Variants in VTI1A observed in about 807,000 individuals in gnomAD.
VTI1A encodes vesicle transport through interaction with t-SNAREs 1A, also known as vesicle transport through interaction with t-SNAREs homolog 1A.
Under a neutral mutation model 34.9 loss-of-function variants are expected in VTI1A, and 22 were observed. The observed-to-expected ratio is 0.63, with a 90% CI of 0.45 to 0.90. The LOEUF is 0.90. VTI1A is among the 40% of genes least tolerant of loss of function. The pLI is 0.00. For synonymous variants in VTI1A, 87 were observed against 97.3 expected (o/e 0.89, Z 0.62); for missense variants, 268 against 275.6 (o/e 0.97, Z 0.20).
At chr10:112,632,244 TG>T in intron 5 of VTI1A, among the ~76,000 whole-genome samples, 2 of 152,360 alleles carry the variant, frequency 1.3e-5, no homozygotes, top group South Asian at 4.1e-4. Context: ...AATGTCCTGC[TG>T]GTCATTTGTG....
chr10:112,527,293 A>C (rs933001747), intron 4 of VTI1A, 129 bp downstream of exon 4: 2 of 657,718 alleles, frequency 3.0e-6, no homozygotes, highest in Non-Finnish European at 5.1e-6. Flanking sequence ...TGTTTAATGC[A>C]AAGCTGGAGT....
At chr10:112,629,978 G>A (rs1430167430) in intron 5 of VTI1A, among the ~76,000 whole-genome samples, 1 of 152,112 alleles carries the variant, frequency 6.6e-6, no homozygotes, top group African/African-American at 2.4e-5. Flanking sequence ...TGGTTTTATA[G>A]TATTAAAACT....
intron 1 of VTI1A, among the ~76,000 whole-genome samples, chr10:112,455,814 A>G (rs1316456416): frequency 6.6e-6 from 1 of 152,106 alleles, no homozygotes; most frequent in African/African-American, 2.4e-5. Context: ...CCATCACAAA[A>G]TGAATTTTAT....
At chr10:112,448,043 TAA>T (rs548354871) in intron 1 of VTI1A, among the ~76,000 whole-genome samples, 7 of 151,888 alleles carry the variant, frequency 4.6e-5, no homozygotes, top group African/African-American at 1.7e-4. Context: ...CTCAAATAAA[TAA>T]ATAAAATAAA....
Position 112,812,846 on chromosome 10 carries a change from G to A in VTI1A, c.561-2444G>A, listed in dbSNP as rs967790017. ...GAAGACCAAGTAGTGCTGAGAAGGCGTGATGGTAGGAAGTTTCATCTTTGA... is the reference window on the plus strand; with the variant it reads ...GAAGACCAAGTAGTGCTGAGAAGGCATGATGGTAGGAAGTTTCATCTTTGA... On this transcript the variant is annotated intron_variant, in intron 7 of 7. Coordinates refer to ENST00000393077, the MANE Select transcript of VTI1A (RefSeq NM_145206.4). Among the ~76,000 whole-genome samples the A allele has an allele frequency of 2.6e-5, 4 of 152,152 alleles. No individual in the cohort carries two copies. In the South Asian group the frequency reaches 6.2e-4, roughly 24 times the overall value.
At position 112,464,721 on chromosome 10, in the gene VTI1A, C is replaced by T. The variant is rs961765659; in HGVS notation, c.264+64C>T. ...TTAAAAATGTTTCCTCCTCATGCCT[C>T]AGTCAGCATTAAATGCACAGTCTTT... On this transcript the variant is annotated intron_variant, in intron 3 of 7. Transcript: ENST00000393077. The T allele has an allele frequency of 1.9e-5, 26 of 1,396,648 alleles. No individual in the cohort carries two copies. The East Asian group carries it at 5.9e-4, about 32-fold the overall frequency. The allele number at this position is 1,396,648 out of a possible 1,614,324, so 86.5% of individuals were successfully genotyped here. A position where few individuals can be genotyped will look rare whatever the true frequency, so the allele number is the denominator to read the frequency against.
intron 5 of VTI1A, among the ~76,000 whole-genome samples, chr10:112,587,526 A>G (rs1433646805): frequency 1.3e-5 from 2 of 152,312 alleles, no homozygotes; most frequent in Admixed American, 1.3e-4. Context: ...ATAAACTTTG[A>G]TGAAGACCAA....
Position 112,668,281 on chromosome 10 carries a change from G to A in VTI1A, c.491G>A (p.Arg164His), listed in dbSNP as rs777335277. 23 of 1,612,118 alleles carry A rather than the reference G, an allele frequency of 1.4e-5. No individual in the cohort carries two copies. The highest frequency in any genetic ancestry group is 1.7e-5 in the Non-Finnish European group (20 of 1,178,844). Residue 164 changes from arginine (R) to histidine (H), a missense_variant, in exon 6 of 8, where the codon CGT becomes CAT. Coordinates refer to ENST00000393077, the MANE Select transcript of VTI1A (RefSeq NM_145206.4). ...GACAGAGAAAAGATACAGCGAGCAC[G>A]TGAAAGAGTAAGTACAATTGATACA... Reference protein sequence around the residue: ...SHDREKIQRARERLRETDANL... With the variant: ...SHDREKIQRAHERLRETDANL...
At chr10:112,691,801 A>G (rs1848627420) in intron 7 of VTI1A, among the ~76,000 whole-genome samples, 1 of 152,202 alleles carries the variant, frequency 6.6e-6, no homozygotes, top group African/African-American at 2.4e-5. Context: ...CTAACCTTCT[A>G]GTCAAAGTGA....
At chr10:112,584,206 T>C (rs759327158) in intron 5 of VTI1A, among the ~76,000 whole-genome samples, 1 of 152,194 alleles carries the variant, frequency 6.6e-6, no homozygotes, top group African/African-American at 2.4e-5. Context: ...TGGTAGTATT[T>C]TGGGTGGTTT....
chr10:112,482,728 G>A (rs896602701), intron 3 of VTI1A, among the ~76,000 whole-genome samples: 2 of 152,144 alleles, frequency 1.3e-5, no homozygotes, highest in Non-Finnish European at 2.9e-5. Context: ...TAGATTATGA[G>A]CAGTTGTATT....
chr10:112,676,138 T>G (rs1848017253), intron 7 of VTI1A, among the ~76,000 whole-genome samples: 1 of 152,200 alleles, frequency 6.6e-6, no homozygotes, highest in African/African-American at 2.4e-5. Flanking sequence ...ATTTTAAATT[T>G]ATGTTTTTAA....
downstream of VTI1A, among the ~76,000 whole-genome samples, chr10:112,823,191 GC>G (rs1853685393): frequency 6.6e-6 from 1 of 152,336 alleles, no homozygotes; most frequent in Non-Finnish European, 1.5e-5. Flanking sequence ...GCTGAGTAGG[GC>G]TGACACTTGC....
chr10:112,835,401 G>A, the VTI1A span, among the ~76,000 whole-genome samples: 2 of 152,164 alleles, frequency 1.3e-5, no homozygotes, highest in Admixed American at 6.5e-5. Context: ...GGGGGCCTTC[G>A]AGGAGGCATG....
At chr10:112,807,784 C>T (rs776436216) in intron 7 of VTI1A, among the ~76,000 whole-genome samples, 9 of 151,660 alleles carry the variant, frequency 5.9e-5, no homozygotes, top group African/African-American at 1.5e-4. Context: ...ACCTGGGAGG[C>T]GGAGATTGCA....
chr10:112,530,775 G>C (rs148896610), intron 4 of VTI1A, among the ~76,000 whole-genome samples: 3 of 151,934 alleles, frequency 2.0e-5, no homozygotes, highest in Non-Finnish European at 2.9e-5. Context: ...GGGTGAAGTC[G>C]GTCAATTTAA....
intron 5 of VTI1A, among the ~76,000 whole-genome samples, chr10:112,624,554 T>A (rs993650109): frequency 2.6e-5 from 4 of 152,066 alleles, no homozygotes; most frequent in South Asian, 4.2e-4. Context: ...ATGTTTTTTT[T>A]AAAAAAAGTT....
At chr10:112,513,875 G>C (rs1198203393) in intron 3 of VTI1A, among the ~76,000 whole-genome samples, 1 of 151,776 alleles carries the variant, frequency 6.6e-6, no homozygotes, top group East Asian at 1.9e-4. Context: ...TGTATCTCTG[G>C]AATAAATCTC....
At chr10:112,700,119 AAAAAAAAAAAAAAAAACAAAAC>A (rs1284856026) in intron 7 of VTI1A, among the ~76,000 whole-genome samples, 5,372 of 141,366 alleles carry the variant, frequency 0.038, 341 homozygotes, top group African/African-American at 0.15. Context: ...CTCCATCTCA[AAAAAAAAAAAAAAAAACAAAAC>A]AAAAAAAAAA....
Sources: allele counts gnomAD v4.1 joint callset (sites outside exome capture counted in the v4.1 genomes callset), GRCh38; gene constraint gnomAD v4.1.1; transcripts MANE v1.5; gene names NCBI Gene and HGNC (gene_info 2026-07-23, HGNC 2026-07-21).